Variants in CPEB3 observed in about 807,000 individuals in gnomAD.
CPEB3 encodes cytoplasmic polyadenylation element binding protein 3, also known as cytoplasmic polyadenylation element-binding protein 3.
In CPEB3, 20 loss-of-function variants were observed where a neutral mutation model predicts 67.2. That is an observed-to-expected ratio of 0.30 (90% CI 0.21 to 0.43). The LOEUF (loss-of-function observed/expected upper bound fraction) is 0.43. Among genes scored for constraint, CPEB3 ranks in the 20% least tolerant of loss-of-function variants. The probability of loss-of-function intolerance (pLI) is 1.00; values close to 1 mark genes in which losing one functional copy is unlikely to be tolerated. For missense variants in CPEB3, 746 were observed against 968.6 expected (o/e 0.77, Z 3.05); for synonymous variants, 376 against 393.1 (o/e 0.96, Z 0.51).
At chr10:92,270,928 G>A (rs1853281316) in intron 1 of CPEB3, among the ~76,000 whole-genome samples, 1 of 152,136 alleles carries the variant, frequency 6.6e-6, no homozygotes, top group Admixed American at 6.5e-5. Flanking sequence ...TGTAATCCCA[G>A]AACTTGGGGA....
chr10:92,176,581 C>T (rs1355725894), intron 4 of CPEB3, among the ~76,000 whole-genome samples: 2 of 152,228 alleles, frequency 1.3e-5, no homozygotes, highest in East Asian at 1.9e-4. Context: ...CCAGTTTCTG[C>T]TTTTGTACCT....
At chr10:92,112,918 T>A (rs1020060222) in intron 6 of CPEB3, among the ~76,000 whole-genome samples, 59 of 152,356 alleles carry the variant, frequency 3.9e-4, no homozygotes, top group African/African-American at 1.4e-3. Context: ...CATAATCAAC[T>A]GGCTAAGAAG....
intron 9 of CPEB3, among the ~76,000 whole-genome samples, chr10:92,063,504 C>G (rs890892076): frequency 6.6e-6 from 1 of 152,178 alleles, no homozygotes; most frequent in African/African-American, 2.4e-5. Context: ...GTGGCTCACG[C>G]CTGTAATCCC....
chr10:92,135,473 G>A (rs975822168), intron 6 of CPEB3, among the ~76,000 whole-genome samples: 27 of 152,108 alleles, frequency 1.8e-4, no homozygotes, highest in Admixed American at 1.6e-3. Context: ...ACCATCTCAC[G>A]CCAGTTAGAA....
At chr10:92,104,307 G>C (rs1844330643) in intron 7 of CPEB3, among the ~76,000 whole-genome samples, 3 of 151,494 alleles carry the variant, frequency 2.0e-5, no homozygotes, top group African/African-American at 7.3e-5. Flanking sequence ...GGAAAACACT[G>C]AACATTATCC....
rs1841916492 is a variant in CPEB3 at position 92,052,159 on chromosome 10, C to T, written c.*53G>A. The T allele has an allele frequency of 5.3e-6, 7 of 1,309,190 alleles. No individual in the cohort carries two copies. The highest frequency in any genetic ancestry group is 5.2e-5 in the Admixed American group (3 of 57,288). The allele number at this position is 1,309,190 out of a possible 1,614,324, so 81.1% of individuals were successfully genotyped here. On this transcript the variant is annotated 3_prime_UTR_variant, in exon 10 of 10. Coordinates refer to ENST00000265997, the MANE Select transcript of CPEB3 (RefSeq NM_014912.5). ...TGTAAGCCCTGAGGCAGTGCCCTCT[C>T]TTTTCCCTCCTTGTTATCTACTCCA...
intron 2 of CPEB3, chr10:92,216,520 G>C: frequency 1.2e-6 from 2 of 1,612,906 alleles, no homozygotes; most frequent in Non-Finnish European, 1.7e-6. Flanking sequence ...TTCGGCGCGG[G>C]GTGAAAGAGG....
intron 1 of CPEB3, among the ~76,000 whole-genome samples, chr10:92,267,713 G>C (rs1853124482): frequency 6.6e-6 from 1 of 152,142 alleles, no homozygotes; most frequent in Non-Finnish European, 1.5e-5. Context: ...AACAGGAAGT[G>C]AACTGAACAC....
intron 7 of CPEB3, among the ~76,000 whole-genome samples, chr10:92,102,226 T>A (rs1394527081): frequency 6.6e-6 from 1 of 152,178 alleles, no homozygotes; most frequent in African/African-American, 2.4e-5. Context: ...TAAGACTATA[T>A]CCTGGGTAGC....
intron 4 of CPEB3, among the ~76,000 whole-genome samples, chr10:92,155,000 G>A (rs778562403): frequency 2.7e-4 from 41 of 152,320 alleles, no homozygotes; most frequent in African/African-American, 2.6e-4. Context: ...CTTGAGGCCA[G>A]GAGTTCAGGA....
intron 6 of CPEB3, among the ~76,000 whole-genome samples, chr10:92,113,514 T>A (rs1844853699): frequency 6.6e-6 from 1 of 152,210 alleles, no homozygotes; most frequent in Non-Finnish European, 1.5e-5. Context: ...ACAAAGATCA[T>A]AAGCATATTG....
chr10:92,247,802 G>A (rs1385816929), intron 1 of CPEB3, among the ~76,000 whole-genome samples: 3 of 152,140 alleles, frequency 2.0e-5, no homozygotes, highest in African/African-American at 4.8e-5. Flanking sequence ...GTGAGCCAAC[G>A]CACCTAGCCA....
At chr10:92,290,513 G>A (rs1295186241) in intron 1 of CPEB3, among the ~76,000 whole-genome samples, 1 of 152,108 alleles carries the variant, frequency 6.6e-6, no homozygotes, top group Non-Finnish European at 1.5e-5. Flanking sequence ...GGCGAGCCCT[G>A]GAAAGCCCAG....
intron 9 of CPEB3, among the ~76,000 whole-genome samples, chr10:92,065,962 T>C (rs1315154148): frequency 6.6e-6 from 1 of 151,926 alleles, no homozygotes; most frequent in African/African-American, 2.4e-5. Context: ...CCAGGCGTGG[T>C]GGTGCACTCC....
At chr10:92,284,646 T>G (rs943461085) in intron 1 of CPEB3, among the ~76,000 whole-genome samples, 5 of 152,122 alleles carry the variant, frequency 3.3e-5, no homozygotes, top group Admixed American at 1.3e-4. Flanking sequence ...AGAGAAACTT[T>G]CCATGACCTC....
intron 4 of CPEB3, among the ~76,000 whole-genome samples, chr10:92,151,294 G>T (rs1241177992): frequency 6.6e-6 from 1 of 152,136 alleles, no homozygotes; most frequent in Admixed American, 6.5e-5. Flanking sequence ...CTCTGGCCCA[G>T]CACTTCTACT....
intron 1 of CPEB3, among the ~76,000 whole-genome samples, chr10:92,269,242 G>A (rs144075591): frequency 7.9e-5 from 12 of 152,006 alleles, no homozygotes; most frequent in African/African-American, 2.2e-4. Flanking sequence ...CCATGAAGAC[G>A]GGATTTGGGC....
intron 6 of CPEB3, among the ~76,000 whole-genome samples, chr10:92,139,305 A>AG (rs1846273998): frequency 1.3e-5 from 2 of 151,956 alleles, no homozygotes; most frequent in Admixed American, 6.6e-5. Context: ...AAAAAAAAAA[A>AG]AAGAATATGT....
At position 92,225,077 on chromosome 10, in the gene CPEB3, C is replaced by A. The variant is rs1250193094; in HGVS notation, c.1005+14269G>T. On this transcript the variant is annotated intron_variant, in intron 2 of 9. Transcript: ENST00000265997. ...GCAACCTCCACCTCCTGGGTTCAAG[C>A]AATTCTCCTGCCTTACCCTCCTGAG... Among the ~76,000 whole-genome samples the A allele has an allele frequency of 4.0e-5, 6 of 151,484 alleles. No homozygotes were observed. In the East Asian group the frequency reaches 1.2e-3, roughly 30 times the overall value.
Sources: gnomAD v4.1 joint callset for allele counts (sites outside exome capture counted in the v4.1 genomes callset) on GRCh38, gnomAD v4.1.1 for gene constraint, MANE v1.5 for transcripts, NCBI Gene and HGNC (gene_info 2026-07-23, HGNC 2026-07-21) for gene names.